Variants in SPAG17 observed in about 807,000 individuals in gnomAD.
SPAG17 encodes the protein sperm-associated antigen 17.
Under a neutral mutation model 273.6 loss-of-function variants are expected in SPAG17, and 169 were observed. The ratio of observed to expected loss-of-function variants is 0.62; its 90% CI spans 0.55 to 0.70. The LOEUF (loss-of-function observed/expected upper bound fraction) is 0.70. Ranked by LOEUF, SPAG17 falls within the 30% of genes least tolerant of loss-of-function variation. The probability of loss-of-function intolerance (pLI) is 0.00; values close to 1 mark genes in which losing one functional copy is unlikely to be tolerated. For missense variants in SPAG17, 2,557 were observed against 2,627.8 expected, an observed-to-expected ratio of 0.97 and a Z score of 0.59; for synonymous variants, 825 against 873.2, an observed-to-expected ratio of 0.94 and a Z score of 0.97.
At chr1:117,962,577 A>G (rs1176534789) in intron 48 of SPAG17, 1 of 151,482 alleles carries the variant, frequency 6.6e-6, no homozygotes, top group Non-Finnish European at 1.5e-5. Context: ...TGAATGATGT[A>G]TTGGGAGTAA....
chr1:118,097,585 C>A (rs891749128), intron 7 of SPAG17, 85 bp downstream of exon 7: 12 of 1,118,436 alleles, frequency 1.1e-5, no homozygotes, highest in Non-Finnish European at 1.5e-5. Flanking sequence ...CGCTCAGTAA[C>A]TATCTATGTG....
intron 1 of SPAG17, among the ~76,000 whole-genome samples, chr1:118,180,118 A>G (rs1261859876): frequency 1.3e-5 from 2 of 151,998 alleles, no homozygotes; most frequent in African/African-American, 4.8e-5. Context: ...AATGATATCA[A>G]TGTATCAAAG....
chr1:117,997,632 T>C (rs1240284540), intron 32 of SPAG17, among the ~76,000 whole-genome samples: 1 of 152,012 alleles, frequency 6.6e-6, no homozygotes, highest in Non-Finnish European at 1.5e-5. Flanking sequence ...AAATCTTTTT[T>C]GTCACAGGCA....
At chr1:118,111,490 A>G (rs899925634) in intron 4 of SPAG17, among the ~76,000 whole-genome samples, 2 of 151,358 alleles carry the variant, frequency 1.3e-5, no homozygotes, top group African/African-American at 2.4e-5. Flanking sequence ...TTTAACCACA[A>G]CTGAATCAAA....
At chr1:118,116,702 T>C (rs541483620) in intron 3 of SPAG17, among the ~76,000 whole-genome samples, 15 of 152,342 alleles carry the variant, frequency 9.8e-5, no homozygotes, top group South Asian at 2.1e-4. Flanking sequence ...AGAGATCACA[T>C]TGGGGTTCCC....
intron 37 of SPAG17, 76 bp from the exon 38 acceptor site, chr1:117,990,982 G>A: frequency 1.2e-6 from 1 of 813,530 alleles, no homozygotes; most frequent in Non-Finnish European, 1.9e-6. Flanking sequence ...ATTCTCTCAA[G>A]CTGATCTTTT....
chr1:118,041,776 A>C, intron 21 of SPAG17, 27 bp downstream of exon 21: 1 of 1,595,042 alleles, frequency 6.3e-7, no homozygotes, highest in Non-Finnish European at 8.5e-7. Context: ...GCCCAAAGAG[A>C]CTAAGTTTTA....
chr1:117,999,206 C>T (rs1250236592), intron 32 of SPAG17, among the ~76,000 whole-genome samples: 1 of 152,188 alleles, frequency 6.6e-6, no homozygotes, highest in African/African-American at 2.4e-5. Flanking sequence ...ATATGTGCCA[C>T]ATTTTTTTAA....
At chr1:118,141,551 T>A (rs1190182181) in intron 3 of SPAG17, among the ~76,000 whole-genome samples, 1 of 152,242 alleles carries the variant, frequency 6.6e-6, no homozygotes, top group Non-Finnish European at 1.5e-5. Context: ...GAGCAAGAAC[T>A]TTTTAATGAA....
chr1:118,092,802 A>G (rs1558007559), intron 8 of SPAG17, among the ~76,000 whole-genome samples: 1 of 152,194 alleles, frequency 6.6e-6, no homozygotes, highest in Admixed American at 6.5e-5. Flanking sequence ...GTTAACCTCA[A>G]TGAGGAGGAC....
At chr1:117,977,843 C>G (rs1233158007) in intron 43 of SPAG17, among the ~76,000 whole-genome samples, 3 of 152,186 alleles carry the variant, frequency 2.0e-5, no homozygotes, top group Non-Finnish European at 4.4e-5. Flanking sequence ...CACTCTCGAT[C>G]ATTCCTTTTA....
intron 46 of SPAG17, among the ~76,000 whole-genome samples, chr1:117,968,248 A>G (rs1335405307): frequency 6.6e-6 from 1 of 152,198 alleles, no homozygotes; most frequent in Non-Finnish European, 1.5e-5. Context: ...AAAAAAATAA[A>G]CTAAAAAAAC....
chr1:118,094,252 T>C (rs1266265869), intron 7 of SPAG17, among the ~76,000 whole-genome samples: 1 of 152,232 alleles, frequency 6.6e-6, no homozygotes, highest in Non-Finnish European at 1.5e-5. Flanking sequence ...GTTTTTGTTT[T>C]TATTTCTAGG....
intron 48 of SPAG17, among the ~76,000 whole-genome samples, chr1:117,956,645 T>C (rs1652240001): frequency 6.6e-6 from 1 of 152,068 alleles, no homozygotes. Context: ...AGGGAACTAT[T>C]TTCCCAGATT....
intron 3 of SPAG17, among the ~76,000 whole-genome samples, chr1:118,139,301 A>G (rs1343231130): frequency 6.6e-6 from 1 of 152,148 alleles, no homozygotes; most frequent in Non-Finnish European, 1.5e-5. Flanking sequence ...TTTCAAAAAG[A>G]TGAAAGATAA....
intron 40 of SPAG17, among the ~76,000 whole-genome samples, 153 bp from the exon 41 acceptor site, chr1:117,984,935 G>A (rs577975089): frequency 1.3e-5 from 2 of 152,290 alleles, no homozygotes; most frequent in South Asian, 4.1e-4. Context: ...TTGTCAACTT[G>A]TTTTGGTTAA....
At position 118,041,934 on chromosome 1, in the gene SPAG17, C is replaced by T. The variant is rs757717649; in HGVS notation, c.2923G>A (p.Ala975Thr). ...AAAGACCTACTATCCTCTTTCTCTG[C>T]GTTATCCTTGCCTTTCTTTTTACCA... ...EAGKKKGKDN[A>T]EKEDSRSLKK... The change falls in exon 21 of 49, where the codon GCA (alanine) becomes ACA (threonine). Residue 975 changes from alanine to threonine, a missense_variant. Physicochemically the swap from Ala to Thr is moderately conservative, Grantham distance 58. Transcript: ENST00000336338. 14 of 1,613,920 alleles carry T rather than the reference C, an allele frequency of 8.7e-6. No individual in the cohort carries two copies. In the East Asian group the frequency reaches 2.0e-4, roughly 23 times the overall value.
chr1:117,992,678 C>G lies in SPAG17; in HGVS notation c.5179-30G>C, dbSNP rs1266682206. The G allele has an allele frequency of 2.7e-6, 4 of 1,496,702 alleles. No individual in the cohort carries two copies. In the Admixed American group the frequency reaches 9.5e-5, roughly 36 times the overall value. The allele number at this position is 1,496,702 out of a possible 1,614,324, so 92.7% of individuals were successfully genotyped here. A position where few individuals can be genotyped will look rare whatever the true frequency, so the allele number is the denominator to read the frequency against. On this transcript the variant is annotated intron_variant, in intron 35 of 48. Transcript: ENST00000336338. ...TAACAAAACAAAGCAATAACACCAC[C>G]AAAGAAATCAGAATGTTTTCACATT...
In SPAG17 at chr1:117,953,619, C is replaced by T; in HGVS notation, c.*431G>A. On this transcript the variant is annotated 3_prime_UTR_variant, in exon 49 of 49. Coordinates refer to ENST00000336338, the MANE Select transcript of SPAG17 (RefSeq NM_206996.4). ...TAGTAAAAGTTTTATTCTGTATCAACCAGAAAGCCATTTTTTTGGCAAAAA... is the reference window on the plus strand; with the variant it reads ...TAGTAAAAGTTTTATTCTGTATCAATCAGAAAGCCATTTTTTTGGCAAAAA... 1 of 1,477,398 alleles carries T rather than the reference C, an allele frequency of 6.8e-7. No individual in the cohort carries two copies. Among genetic ancestry groups the T allele is most frequent in the South Asian group, 1.2e-5 (1 of 81,106 alleles). 91.5% of individuals were successfully genotyped at this position (1,477,398 alleles called of 1,614,324 possible). A position where few individuals can be genotyped will look rare whatever the true frequency, so the allele number is the denominator to read the frequency against.
Sources: gnomAD v4.1 joint callset for allele counts (sites outside exome capture counted in the v4.1 genomes callset) on GRCh38, gnomAD v4.1.1 for gene constraint, MANE v1.5 for transcripts, NCBI Gene and HGNC (gene_info 2026-07-23, HGNC 2026-07-21) for gene names.